PHTF2: variants seen among roughly 807,000 people sequenced by gnomAD.
The protein encoded by PHTF2 is putative homeodomain transcription factor 2.
A neutral mutation model predicts 101.2 loss-of-function variants in PHTF2; 60 were observed. The ratio of observed to expected loss-of-function variants is 0.59; its 90% confidence interval spans 0.48 to 0.73. PHTF2 has a LOEUF of 0.73. Ranked by LOEUF, PHTF2 falls within the 30% of genes least tolerant of loss-of-function variation. PHTF2 has a pLI of 0.00. For missense variants in PHTF2, 747 were observed against 908.7 expected (o/e 0.82, Z 2.29); for synonymous variants, 311 against 307.3 (o/e 1.01, Z -0.13).
At chr7:77,808,207 T>C (rs1793142801) in intron 1 of PHTF2, among the ~76,000 whole-genome samples, 1 of 152,328 alleles carries the variant, frequency 6.6e-6, no homozygotes, top group South Asian at 2.1e-4. Context: ...AGTTTTTCTA[T>C]TTCTGCCAAA....
At chr7:77,952,079 T>G (rs1433806786) in intron 18 of PHTF2, among the ~76,000 whole-genome samples, 1 of 152,094 alleles carries the variant, frequency 6.6e-6, no homozygotes, top group Non-Finnish European at 1.5e-5. Flanking sequence ...TTGGCCTGAG[T>G]TAGCTTAAAA....
chr7:77,917,587 A>G (rs1803052068), intron 9 of PHTF2, among the ~76,000 whole-genome samples: 2 of 152,146 alleles, frequency 1.3e-5, no homozygotes, highest in Admixed American at 1.3e-4. Flanking sequence ...TGTCAGTGAG[A>G]AAAATCTGAT....
chr7:77,943,111 T>TTTTC (rs540036362), intron 16 of PHTF2, among the ~76,000 whole-genome samples: 1,723 of 56,456 alleles, frequency 0.031, 16 homozygotes, highest in Middle Eastern at 0.11. Flanking sequence ...TTTACTATTC[T>TTTTC]TTTCTTTCTT....
intron 1 of PHTF2, among the ~76,000 whole-genome samples, chr7:77,832,775 T>C (rs984452489): frequency 6.6e-6 from 1 of 151,968 alleles, no homozygotes; most frequent in Non-Finnish European, 1.5e-5. Flanking sequence ...ACTGATTCTA[T>C]GTTATGGTGA....
chr7:77,913,308 A>G (rs1802580868), intron 9 of PHTF2, among the ~76,000 whole-genome samples: 1 of 151,664 alleles, frequency 6.6e-6, no homozygotes, highest in African/African-American at 2.4e-5. Flanking sequence ...GAATTGCTTG[A>G]ACCCAGGCAA....
At chr7:77,941,393 G>T (rs1200463493) in intron 15 of PHTF2, among the ~76,000 whole-genome samples, 1 of 152,038 alleles carries the variant, frequency 6.6e-6, no homozygotes, top group African/African-American at 2.4e-5. Flanking sequence ...CATATCTGTT[G>T]TATGGAGGGA....
At chr7:77,806,164 CAA>C (rs149083447) in intron 1 of PHTF2, among the ~76,000 whole-genome samples, 7 of 125,746 alleles carry the variant, frequency 5.6e-5, no homozygotes, top group Non-Finnish European at 7.0e-5. Flanking sequence ...GACTCCATCT[CAA>C]AAAAAAAAAA....
intron 2 of PHTF2, among the ~76,000 whole-genome samples, chr7:77,844,990 T>C (rs1187797875): frequency 2.6e-5 from 4 of 152,236 alleles, no homozygotes; most frequent in Non-Finnish European, 5.9e-5. Context: ...GAACTGTTAA[T>C]GCAACAAGAA....
intron 1 of PHTF2, among the ~76,000 whole-genome samples, chr7:77,819,595 G>C (rs965781129): frequency 1.7e-4 from 26 of 152,156 alleles, no homozygotes; most frequent in Admixed American, 2.6e-4. Flanking sequence ...CCTGAATCAT[G>C]ATGTATTATC....
intron 1 of PHTF2, among the ~76,000 whole-genome samples, chr7:77,819,106 G>A (rs182666013): frequency 6.6e-6 from 1 of 152,236 alleles, no homozygotes; most frequent in East Asian, 1.9e-4. Flanking sequence ...CAATTATACT[G>A]ATTTCATCTA....
intron 16 of PHTF2, among the ~76,000 whole-genome samples, chr7:77,945,035 G>C (rs772691757): frequency 1.1e-4 from 16 of 152,298 alleles, no homozygotes; most frequent in Middle Eastern, 3.4e-3. Flanking sequence ...TCCAACATAG[G>C]TCTAATAAGA....
intron 3 of PHTF2, among the ~76,000 whole-genome samples, chr7:77,855,526 G>T (rs1394836223): frequency 6.6e-6 from 1 of 152,200 alleles, no homozygotes; most frequent in Non-Finnish European, 1.5e-5. Flanking sequence ...CACTGGCTCT[G>T]AGCCCAGCAC....
chr7:77,876,485 G>C (rs936639505), intron 3 of PHTF2, among the ~76,000 whole-genome samples: 1 of 152,120 alleles, frequency 6.6e-6, no homozygotes, highest in Non-Finnish European at 1.5e-5. Context: ...CATGTCTTTT[G>C]AAGTTTTTTT....
chr7:77,907,569 A>T (rs1032631929), intron 7 of PHTF2, among the ~76,000 whole-genome samples: 2 of 152,198 alleles, frequency 1.3e-5, no homozygotes, highest in Non-Finnish European at 2.9e-5. Flanking sequence ...GTCCAACCCA[A>T]GTTTACTCAT....
chr7:77,830,677 C>T (rs559900457), intron 1 of PHTF2, among the ~76,000 whole-genome samples: 1 of 152,282 alleles, frequency 6.6e-6, no homozygotes, highest in East Asian at 1.9e-4. Flanking sequence ...TTAACGTTAG[C>T]AGAGAGGTTT....
At chr7:77,921,443 T>C (rs1472716899) in intron 10 of PHTF2, among the ~76,000 whole-genome samples, 1 of 152,218 alleles carries the variant, frequency 6.6e-6, no homozygotes, top group Admixed American at 6.5e-5. Flanking sequence ...TTACCTCTCT[T>C]ACATTTGGGA....
rs1319523487 is a variant in PHTF2 at position 77,922,503 on chromosome 7, A to G, written c.964-120A>G. The G allele has an allele frequency of 7.2e-5, 43 of 593,568 alleles. 1 individual carries two copies. The allele number at this position is 593,568 out of a possible 1,614,324, so 36.8% of individuals were successfully genotyped here. A position where few individuals can be genotyped will look rare whatever the true frequency, so the allele number is the denominator to read the frequency against. On this transcript the variant is annotated intron_variant, in intron 10 of 19. Transcript: ENST00000416283. ...TAATACTAATTAGTTACTTTGTGGT[A>G]GTTGAGGATATTTTGAAGTTGTGTG...
intron 10 of PHTF2, 80 bp from the exon 10 acceptor site, chr7:77,922,543 T>C: frequency 8.7e-7 from 1 of 1,155,888 alleles, no homozygotes; most frequent in Non-Finnish European, 1.2e-6. Flanking sequence ...TATGTATGTG[T>C]AATTTCAAAT....
At chr7:77,856,653 T>C (rs1797209794) in intron 3 of PHTF2, among the ~76,000 whole-genome samples, 1 of 151,998 alleles carries the variant, frequency 6.6e-6, no homozygotes, top group African/African-American at 2.4e-5. Flanking sequence ...TAAAAATGGG[T>C]GGTTTTGTTT....
Sources: gnomAD v4.1 joint callset for allele counts (sites outside exome capture counted in the v4.1 genomes callset) on GRCh38, gnomAD v4.1.1 for gene constraint, MANE v1.5 for transcripts, NCBI Gene and HGNC (gene_info 2026-07-23, HGNC 2026-07-21) for gene names.